Variants in C1orf174 observed in about 807,000 individuals in gnomAD.
The protein encoded by C1orf174 is UPF0688 protein C1orf174.
A neutral mutation model predicts 18.4 loss-of-function variants in C1orf174; 13 were observed. The ratio of observed to expected loss-of-function variants is 0.71; its 90% confidence interval spans 0.46 to 1.12. C1orf174 has a LOEUF of 1.12. Among genes scored for constraint, C1orf174 ranks in the 50% most tolerant of loss-of-function variants. C1orf174 has a pLI of 0.00. For synonymous variants in C1orf174, 100 were observed against 118.3 expected (o/e 0.85, Z 1.01); for missense variants, 309 against 308.0 (o/e 1.00, Z -0.02).
intron 1 of C1orf174, among the ~76,000 whole-genome samples, chr1:3,894,121 C>T (rs1041404941): frequency 3.9e-5 from 6 of 152,170 alleles, no homozygotes; most frequent in South Asian, 4.1e-4. Flanking sequence ...TTAGAAAACT[C>T]GAAAGGAATG....
intron 3 of C1orf174, 112 bp downstream of exon 3, chr1:3,890,457 A>G: frequency 7.1e-7 from 1 of 1,411,166 alleles, no homozygotes; most frequent in Non-Finnish European, 9.6e-7. Flanking sequence ...TGATTAGTTT[A>G]TGTTTAATGT....
chr1:3,900,250 C>T lies in C1orf174; in HGVS notation c.-64G>A. The T allele has an allele frequency of 6.6e-7, 1 of 1,515,744 alleles. No individual in the cohort carries two copies. The highest frequency in any genetic ancestry group is 1.3e-5 in the South Asian group (1 of 79,890). The allele number at this position is 1,515,744 out of a possible 1,614,324, so 93.9% of individuals were successfully genotyped here. A position where few individuals can be genotyped will look rare whatever the true frequency, so the allele number is the denominator to read the frequency against. ...CAACGCGTCCCGGCGGAGCGGCGAC[C>T]CGGAGTCTGCAGAGCGCGCCGCGGC... On this transcript the variant is annotated 5_prime_UTR_variant, in exon 1 of 4. Transcript: ENST00000361605.
At chr1:3,894,834 T>C (rs1294784288) in intron 1 of C1orf174, among the ~76,000 whole-genome samples, 3 of 152,144 alleles carry the variant, frequency 2.0e-5, no homozygotes, top group Non-Finnish European at 4.4e-5. Flanking sequence ...GTGAAGTGCC[T>C]GCTACCACAG....
chr1:3,896,256 T>G (rs1638603925), intron 1 of C1orf174: 1 of 152,730 alleles, frequency 6.5e-6, no homozygotes, highest in Admixed American at 6.5e-5. Flanking sequence ...ATTTGTAGAA[T>G]GAAGGCTTCA....
intron 2 of C1orf174, 120 bp from the exon 3 acceptor site, chr1:3,891,177 T>C: frequency 1.6e-6 from 2 of 1,271,328 alleles, no homozygotes; most frequent in Non-Finnish European, 2.2e-6. Flanking sequence ...ACCACAACTT[T>C]CACAGATCGT....
At chr1:3,897,444 G>C (rs1638626224) in intron 1 of C1orf174, among the ~76,000 whole-genome samples, 1 of 152,154 alleles carries the variant, frequency 6.6e-6, no homozygotes, top group Non-Finnish European at 1.5e-5. Flanking sequence ...AAGCAAACTT[G>C]AAGACAGATC....
chr1:3,890,520 T>C, intron 3 of C1orf174, 49 bp downstream of exon 3: 1 of 1,600,940 alleles, frequency 6.2e-7, no homozygotes, highest in Non-Finnish European at 8.5e-7. Context: ...GACCTGAATG[T>C]GCAGCTGCTG....
intron 1 of C1orf174, among the ~76,000 whole-genome samples, chr1:3,894,866 G>A (rs908313736): frequency 5.3e-5 from 8 of 152,196 alleles, no homozygotes; most frequent in African/African-American, 9.6e-5. Context: ...CTGCGCCTCC[G>A]TCCTCTCACA....
intron 1 of C1orf174, among the ~76,000 whole-genome samples, chr1:3,893,665 T>C (rs1391815674): frequency 6.6e-6 from 1 of 152,128 alleles, no homozygotes; most frequent in Non-Finnish European, 1.5e-5. Flanking sequence ...GAAGCTGAGG[T>C]AGGAGGATCG....
Position 3,890,920 on chromosome 1 carries a change from C to G in C1orf174, c.267G>C (p.Glu89Asp). ...DSASLPKVTP[E>D]TPCENEFAEG... ...CAGCAAACTCATTTTCACAAGGGGT[C>G]TCAGGTGTCACTTTTGGCAAAGAAG... is the stretch of plus-strand genomic sequence containing the variant. Residue 89 changes from glutamate to aspartate, a missense_variant, in exon 3 of 4, where the codon GAG becomes GAC. Transcript: ENST00000361605. The G allele has an allele frequency of 6.2e-7, 1 of 1,614,060 alleles. No individual in the cohort carries two copies. The highest frequency in any genetic ancestry group is 1.6e-4 in the Middle Eastern group (1 of 6,062).
chr1:3,891,129 G>C, intron 2 of C1orf174, 72 bp from the exon 3 acceptor site: 1 of 1,480,854 alleles, frequency 6.8e-7, no homozygotes, highest in East Asian at 2.3e-5. Flanking sequence ...CCAGAGGCTA[G>C]TATTTCTTCT....
At chr1:3,894,251 C>T (rs1275872526) in intron 1 of C1orf174, among the ~76,000 whole-genome samples, 5 of 151,978 alleles carry the variant, frequency 3.3e-5, no homozygotes, top group African/African-American at 1.2e-4. Context: ...ATGAAGAGTG[C>T]CCTGCCCAAC....
chr1:3,897,317 T>C (rs374972021), intron 1 of C1orf174, among the ~76,000 whole-genome samples: 9 of 152,286 alleles, frequency 5.9e-5, no homozygotes, highest in African/African-American at 1.9e-4. Context: ...TCAAAGAGAC[T>C]ATCAATAAAG....
Position 3,890,660 on chromosome 1 carries a change from G to C in C1orf174, c.527C>G (p.Pro176Arg). Reference sequence around the variant, plus strand: ...AAAGACGCTGTTGTCCATCTGAAGTGGTGGCTTCTGCACATCCTCTGTCTG... The same window carrying C: ...AAAGACGCTGTTGTCCATCTGAAGTCGTGGCTTCTGCACATCCTCTGTCTG... ...GLQTEDVQKP[P>R]LQMDNSVFLD... The change falls in exon 3 of 4, where the codon CCA (proline) becomes CGA (arginine). Residue 176 changes from proline to arginine, a missense_variant. By Grantham distance (103) the Pro-to-Arg change is moderately radical. Transcript: ENST00000361605. The C allele has an allele frequency of 6.2e-7, 1 of 1,614,122 alleles. No individual in the cohort carries two copies. Among genetic ancestry groups the C allele is most frequent in the Non-Finnish European group, 8.5e-7 (1 of 1,180,038 alleles).
intron 1 of C1orf174, among the ~76,000 whole-genome samples, chr1:3,899,900 G>A (rs1361088407): frequency 5.9e-5 from 9 of 151,674 alleles, no homozygotes; most frequent in Non-Finnish European, 1.2e-4. Flanking sequence ...GGGTAACCTG[G>A]GAGCCCCCTT....
chr1:3,894,202 T>C (rs1324307062), intron 1 of C1orf174, among the ~76,000 whole-genome samples: 1 of 151,890 alleles, frequency 6.6e-6, no homozygotes, highest in African/African-American at 2.4e-5. Context: ...CAAGAGCTGC[T>C]GCCAACAGGC....
At chr1:3,897,290 C>G (rs1392516252) in intron 1 of C1orf174, among the ~76,000 whole-genome samples, 1 of 152,078 alleles carries the variant, frequency 6.6e-6, no homozygotes, top group Admixed American at 6.6e-5. Flanking sequence ...AAAGAAGAAA[C>G]ATAAGATAAT....
chr1:3,891,835 C>T lies in C1orf174; in HGVS notation c.130-778G>A, dbSNP rs1351450590. The T allele has an allele frequency of 2.8e-5, 28 of 984,940 alleles. 1 individual carries two copies. The highest frequency in any genetic ancestry group is 5.2e-4 in the Middle Eastern group (1 of 1,938). 61.0% of individuals were successfully genotyped at this position (984,940 alleles called of 1,614,324 possible). On this transcript the variant is annotated intron_variant, in intron 2 of 3. Coordinates refer to ENST00000361605, the MANE Select transcript of C1orf174 (RefSeq NM_207356.3). The stretch of plus-strand genomic sequence containing the variant: ...TCAGAGCCTGGTTTAGACACACACA[C>T]GGGTGGGCAGGTGCTAGGATCAGAG...
At chr1:3,894,918 A>ACAGTTACAC (rs1298558563) in intron 1 of C1orf174, among the ~76,000 whole-genome samples, 1 of 152,244 alleles carries the variant, frequency 6.6e-6, no homozygotes, top group East Asian at 1.9e-4. Flanking sequence ...CGTCATGGTC[A>ACAGTTACAC]CAGTTACACC....
Sources: gnomAD v4.1 joint callset for allele counts (sites outside exome capture counted in the v4.1 genomes callset) on GRCh38, gnomAD v4.1.1 for gene constraint, MANE v1.5 for transcripts, NCBI Gene and HGNC (gene_info 2026-07-23, HGNC 2026-07-21) for gene names.